Variants in CLCA1 observed in about 807,000 individuals in gnomAD.
CLCA1 encodes the protein chloride channel accessory 1.
A neutral mutation model predicts 85.6 loss-of-function variants in CLCA1; 59 were observed. That is an observed-to-expected ratio of 0.69 (90% CI 0.56 to 0.86). CLCA1 has a LOEUF of 0.86. Ranked by LOEUF, CLCA1 falls within the 40% of genes least tolerant of loss-of-function variation. The pLI, the probability that CLCA1 is intolerant of heterozygous loss-of-function variation, is 0.00. For synonymous variants in CLCA1, 396 were observed against 398.3 expected (o/e 0.99, Z 0.07); for missense variants, 1,022 against 1,101.4 (o/e 0.93, Z 1.02).
intron 4 of CLCA1, among the ~76,000 whole-genome samples, chr1:86,477,786 G>A (rs1432910506): frequency 6.6e-6 from 1 of 152,168 alleles, no homozygotes; most frequent in Non-Finnish European, 1.5e-5. Flanking sequence ...ATAAATGATT[G>A]TTCCAATAGA....
rs773099573 is a variant in CLCA1, at chr1:86,494,223, C to G, written c.1717C>G (p.Gln573Glu). The G allele has an allele frequency of 1.9e-6, 3 of 1,614,136 alleles. No individual in the cohort carries two copies. The highest frequency in any genetic ancestry group is 1.3e-5 in the African/African-American group (1 of 74,954). Reference sequence around the variant, plus strand: ...GAAATACAGTCTGCAAGCAAGCTCACAAACCTTGACCCTGACTGTCACGTC... The same window carrying G: ...GAAATACAGTCTGCAAGCAAGCTCAGAAACCTTGACCCTGACTGTCACGTC... Reference protein sequence around the residue: ...TWKYSLQASSQTLTLTVTSRA... With the variant: ...TWKYSLQASSETLTLTVTSRA... The change falls in exon 11 of 14, where the codon CAA (glutamine) becomes GAA (glutamate). Residue 573 changes from glutamine (Q) to glutamate (E), a missense_variant. Coordinates refer to ENST00000394711, the MANE Select transcript of CLCA1 (RefSeq NM_001285.4).
intron 4 of CLCA1, among the ~76,000 whole-genome samples, chr1:86,478,902 T>A (rs1647748663): frequency 6.6e-6 from 1 of 152,094 alleles, no homozygotes; most frequent in African/African-American, 2.4e-5. Flanking sequence ...GGACAGGAGG[T>A]TACTTCATTC....
intron 3 of CLCA1, among the ~76,000 whole-genome samples, chr1:86,476,167 T>C (rs974310043): frequency 3.7e-4 from 57 of 152,116 alleles, no homozygotes; most frequent in African/African-American, 1.3e-3. Flanking sequence ...TAATCACACA[T>C]GCCCTCCACT....
chr1:86,472,917 T>G (rs1029521201), intron 1 of CLCA1, among the ~76,000 whole-genome samples: 1 of 152,198 alleles, frequency 6.6e-6, no homozygotes, highest in African/African-American at 2.4e-5. Flanking sequence ...TACTACTTGC[T>G]GTGAGACCTT....
At chr1:86,481,617 T>C (rs934656173) in intron 4 of CLCA1, among the ~76,000 whole-genome samples, 1 of 152,198 alleles carries the variant, frequency 6.6e-6, no homozygotes, top group Non-Finnish European at 1.5e-5. Flanking sequence ...TTTCTTTTCT[T>C]CATGCTTTTT....
chr1:86,499,138 C>T (rs1385276262), intron 13 of CLCA1, among the ~76,000 whole-genome samples: 2 of 152,186 alleles, frequency 1.3e-5, no homozygotes, highest in Admixed American at 1.3e-4. Flanking sequence ...GCATAGATGT[C>T]TGCAGAGCAG....
chr1:86,492,008 T>A (rs952010292), intron 9 of CLCA1, among the ~76,000 whole-genome samples: 2 of 149,256 alleles, frequency 1.3e-5, no homozygotes, highest in Non-Finnish European at 3.0e-5. Context: ...CTTTTAAAAG[T>A]CTTGAAACTA....
In CLCA1 at chr1:86,486,718, A is replaced by C; in HGVS notation, c.1147A>C (p.Thr383Pro). 1 of 1,614,182 alleles carries C rather than the reference A, an allele frequency of 6.2e-7. No individual in the cohort carries two copies. The highest frequency in any genetic ancestry group is 8.5e-7 in the Non-Finnish European group (1 of 1,180,026). ...KRLPAAASGGTSICSGLRSAF... is the reference protein window; with the variant it reads ...KRLPAAASGGPSICSGLRSAF... The stretch of plus-strand genomic sequence containing the variant: ...ATTACCTGCAGCAGCTTCAGGAGGG[A>C]CGTCCATCTGCAGCGGGCTTCGATC... Residue 383 changes from threonine (T) to proline (P), a missense_variant, in exon 7 of 14, where the codon ACG becomes CCG. By Grantham distance (38) the Thr-to-Pro change is conservative (BLOSUM62 -1). Coordinates refer to ENST00000394711, the MANE Select transcript of CLCA1 (RefSeq NM_001285.4).
intron 4 of CLCA1, among the ~76,000 whole-genome samples, chr1:86,481,815 C>T (rs570268541): frequency 2.6e-5 from 4 of 151,970 alleles, no homozygotes; most frequent in African/African-American, 9.7e-5. Context: ...GTGAAATAAA[C>T]TAATCAGAAA....
At chr1:86,470,813 C>G (rs977586027) in intron 1 of CLCA1, among the ~76,000 whole-genome samples, 1 of 152,184 alleles carries the variant, frequency 6.6e-6, no homozygotes, top group Non-Finnish European at 1.5e-5. Flanking sequence ...AACCATTCCT[C>G]CCTCTACTCC....
chr1:86,486,448 C>A (rs1324384259), intron 6 of CLCA1, 78 bp from the exon 7 acceptor site: 1 of 1,366,456 alleles, frequency 7.3e-7, no homozygotes, highest in Admixed American at 1.9e-5. Flanking sequence ...GCAGCCACTT[C>A]CAAATTCCCT....
rs752582337 is a variant in CLCA1 at position 86,500,021 on chromosome 1, A to T, written c.2721A>T (p.Gly907=). Residue 907 remains glycine, a synonymous_variant, in exon 14 of 14, where the codon GGA becomes GGT. Transcript: ENST00000394711. ...TAAAAATTATGTGGAAGTGGATAGG[A>T]GAACTGCAGCTGTCAATAGCCTAGG... ...HILKIMWKWI[G]ELQLSIA is the part of the protein sequence containing the mutation. 2.5e-6 allele frequency: 4 copies of T among 1,611,208 alleles called. No individual in the cohort carries two copies. The Admixed American group carries it at 6.7e-5, about 27-fold the overall frequency.
intron 5 of CLCA1, among the ~76,000 whole-genome samples, chr1:86,483,976 C>T (rs1052074596): frequency 1.3e-5 from 2 of 152,092 alleles, no homozygotes; most frequent in South Asian, 2.1e-4. Flanking sequence ...GCACACCTTA[C>T]GAGGTGGCAG....
Position 86,486,513 on chromosome 1 carries a change from C to T in CLCA1, c.955-13C>T, listed in dbSNP as rs1468393040. ...CTAAACGTAACCTGTTTTTCTTTTG[C>T]TTCTCCATTTAGACTGGTAACCGCC... On this transcript the variant is annotated splice_polypyrimidine_tract_variant and intron_variant, in intron 6 of 13. Transcript: ENST00000394711. 1 of 1,610,198 alleles carries T rather than the reference C, an allele frequency of 6.2e-7. No homozygotes were observed. Among genetic ancestry groups the T allele is most frequent in the African/African-American group, 1.3e-5 (1 of 74,810 alleles).
chr1:86,496,093 G>A (rs1648275422), intron 12 of CLCA1, among the ~76,000 whole-genome samples: 1 of 152,080 alleles, frequency 6.6e-6, no homozygotes, highest in Non-Finnish European at 1.5e-5. Flanking sequence ...GTAAAATAAG[G>A]ATAATAATGG....
rs187524758 is a variant in CLCA1, at chr1:86,479,916, T to A, written c.558-2289T>A. On this transcript the variant is annotated intron_variant, in intron 4 of 13. Coordinates refer to ENST00000394711, the MANE Select transcript of CLCA1 (RefSeq NM_001285.4). ...CAAACAAACAAACAAACAAACAATG[T>A]GGGCAGACATTACACATATGATAAT... is the stretch of plus-strand genomic sequence containing the variant. Among the ~76,000 whole-genome samples the A allele has an allele frequency of 2.6e-5, 4 of 152,014 alleles. No homozygotes were observed. The East Asian group carries it at 7.7e-4, about 29-fold the overall frequency.
chr1:86,496,392 G>A (rs1394227736), intron 12 of CLCA1, among the ~76,000 whole-genome samples: 2 of 152,164 alleles, frequency 1.3e-5, no homozygotes, highest in Non-Finnish European at 2.9e-5. Context: ...TGAATTTCAT[G>A]TGGGCCAGCA....
At chr1:86,481,469 A>T (rs1376648948) in intron 4 of CLCA1, among the ~76,000 whole-genome samples, 3 of 152,076 alleles carry the variant, frequency 2.0e-5, no homozygotes, top group South Asian at 2.1e-4. Context: ...TAATAATATT[A>T]AAAAATTAAA....
chr1:86,492,714 A>C (rs1648169395), intron 9 of CLCA1, among the ~76,000 whole-genome samples: 1 of 152,130 alleles, frequency 6.6e-6, no homozygotes, highest in African/African-American at 2.4e-5. Flanking sequence ...TCTATTCCAA[A>C]CAAGCTGGCC....
Sources: gnomAD v4.1 joint callset for allele counts (sites outside exome capture counted in the v4.1 genomes callset) on GRCh38, gnomAD v4.1.1 for gene constraint, MANE v1.5 for transcripts, NCBI Gene and HGNC (gene_info 2026-07-23, HGNC 2026-07-21) for gene names.